Variants in ASCC1 observed in about 807,000 individuals in gnomAD.
ASCC1 encodes activating signal cointegrator 1 complex subunit 1.
A neutral mutation model predicts 46.6 loss-of-function variants in ASCC1; 35 were observed. That is an observed-to-expected ratio of 0.75 (90% CI 0.57 to 0.99). The LOEUF (loss-of-function observed/expected upper bound fraction) is 0.99. ASCC1 is among the 50% of genes least tolerant of loss of function. The probability of loss-of-function intolerance (pLI) is 0.00; values close to 1 mark genes in which losing one functional copy is unlikely to be tolerated. For synonymous variants in ASCC1, 143 were observed against 146.6 expected (o/e 0.98, Z 0.18); for missense variants, 376 against 428.7 (o/e 0.88, Z 1.09).
At chr10:72,149,370 G>A (rs1019245114) in intron 7 of ASCC1, among the ~76,000 whole-genome samples, 3 of 149,646 alleles carry the variant, frequency 2.0e-5, no homozygotes, top group East Asian at 3.9e-4. Context: ...CCCGGGAGGC[G>A]GAGCTTGCAG....
In ASCC1 at chr10:72,097,460, A is replaced by T; in HGVS notation, c.958-10T>A. ...AGAAGTTCTCAAACAACTGAAAAGG[A>T]AGAATAAAAACCCAGAATGAATATT... On this transcript the variant is annotated splice_polypyrimidine_tract_variant and intron_variant, in intron 9 of 9. Coordinates refer to ENST00000672957, the MANE Select transcript of ASCC1 (RefSeq NM_001198800.3). 6.6e-7 allele frequency: 1 copy of T among 1,512,244 alleles called. No homozygotes were observed. Among genetic ancestry groups the T allele is most frequent in the Non-Finnish European group, 9.2e-7 (1 of 1,087,794 alleles). The allele number at this position is 1,512,244 out of a possible 1,614,324, so 93.7% of individuals were successfully genotyped here.
intron 9 of ASCC1, 94 bp from the exon 10 acceptor site, chr10:72,097,544 C>T: frequency 6.7e-6 from 5 of 743,720 alleles, no homozygotes; most frequent in African/African-American, 1.8e-5. Context: ...CAAACCACAA[C>T]AATCCCAACA....
intron 9 of ASCC1, among the ~76,000 whole-genome samples, chr10:72,109,071 T>C (rs543703359): frequency 6.6e-6 from 1 of 152,288 alleles, no homozygotes; most frequent in African/African-American, 2.4e-5. Context: ...CAGACTGCAG[T>C]GATCAGTGGT....
intron 9 of ASCC1, among the ~76,000 whole-genome samples, chr10:72,121,527 AAAAAG>A (rs1035939834): frequency 2.2e-5 from 3 of 133,830 alleles, no homozygotes; most frequent in African/African-American, 4.1e-5. Flanking sequence ...TAAAAAAAAA[AAAAAG>A]AAAAGTAAAT....
At chr10:72,177,711 T>A (rs1166730731) in intron 5 of ASCC1, among the ~76,000 whole-genome samples, 1 of 152,182 alleles carries the variant, frequency 6.6e-6, no homozygotes, top group Non-Finnish European at 1.5e-5. Context: ...TATAGCAGCA[T>A]TACTAGCTAA....
Position 72,213,315 on chromosome 10 carries a change from G to C in ASCC1, c.-17C>G, listed in dbSNP as rs777694136. 20 of 1,553,700 alleles carry C rather than the reference G, an allele frequency of 1.3e-5. No homozygotes were observed. The highest frequency in any genetic ancestry group is 1.6e-5 in the Non-Finnish European group (18 of 1,125,936). ...AACTTCCATGACACTTTCTCCAAATGATATTCCAATTATGCCCTGAAAAAT... is the reference window on the plus strand; with the variant it reads ...AACTTCCATGACACTTTCTCCAAATCATATTCCAATTATGCCCTGAAAAAT... On this transcript the variant is annotated 5_prime_UTR_variant, in exon 2 of 10. It adds an upstream start codon to the 5' untranslated region. Transcript: ENST00000672957.
intron 5 of ASCC1, among the ~76,000 whole-genome samples, chr10:72,172,114 T>A (rs535863801): frequency 3.0e-4 from 46 of 152,136 alleles, no homozygotes; most frequent in Admixed American, 5.2e-4. Flanking sequence ...GAAGTTTTTT[T>A]AGAAAAACTC....
chr10:72,196,888 C>T lies in ASCC1; in HGVS notation c.412G>A (p.Ala138Thr). ...ACCTCAACTTCATTGAGGAAAAAGG[C>T]AAGGAAGTGAGTGAAGGGCTGCTTT... ...RRKQPFTHFL[A>T]FFLNEVEVQE... Residue 138 changes from alanine to threonine, a missense_variant, in exon 5 of 10, where the codon GCC becomes ACC. Coordinates refer to ENST00000672957, the MANE Select transcript of ASCC1 (RefSeq NM_001198800.3). 1 of 1,613,516 alleles carries T rather than the reference C, an allele frequency of 6.2e-7. No individual in the cohort carries two copies. The highest frequency in any genetic ancestry group is 8.5e-7 in the Non-Finnish European group (1 of 1,179,996).
chr10:72,138,668 A>G (rs1263126845), intron 7 of ASCC1, among the ~76,000 whole-genome samples: 1 of 144,100 alleles, frequency 6.9e-6, no homozygotes, highest in Non-Finnish European at 1.5e-5. Flanking sequence ...CAGTGGCGCA[A>G]TCTTGGCTCA....
intron 5 of ASCC1, among the ~76,000 whole-genome samples, chr10:72,165,976 C>T (rs1418298249): frequency 3.3e-5 from 5 of 152,172 alleles, no homozygotes; most frequent in African/African-American, 1.2e-4. Context: ...TATCTTATGA[C>T]AGAAGCACTA....
At chr10:72,142,339 A>C (rs1847116307) in intron 7 of ASCC1, among the ~76,000 whole-genome samples, 1 of 151,786 alleles carries the variant, frequency 6.6e-6, no homozygotes, top group African/African-American at 2.4e-5. Context: ...CTACTTTCAG[A>C]AAATTGCCAA....
At chr10:72,164,390 A>G (rs1368223239) in intron 5 of ASCC1, among the ~76,000 whole-genome samples, 3 of 152,240 alleles carry the variant, frequency 2.0e-5, no homozygotes, top group Admixed American at 2.0e-4. Flanking sequence ...ATCATACAAT[A>G]TAAGACCTCT....
intron 4 of ASCC1, 59 bp downstream of exon 4, chr10:72,203,368 A>G (rs1856772198): frequency 7.3e-6 from 9 of 1,239,700 alleles, no homozygotes; most frequent in Non-Finnish European, 1.1e-5. Context: ...AGTTGGTTAC[A>G]TTATTCCATA....
At chr10:72,203,946 C>A (rs1235384175) in intron 3 of ASCC1, among the ~76,000 whole-genome samples, 2 of 152,026 alleles carry the variant, frequency 1.3e-5, no homozygotes, top group African/African-American at 4.8e-5. Flanking sequence ...AGTAAGACCC[C>A]GTCTCTAAAA....
intron 4 of ASCC1, chr10:72,198,498 A>G (rs892223903): frequency 8.8e-6 from 4 of 454,530 alleles, no homozygotes; most frequent in African/African-American, 8.0e-5. Flanking sequence ...GGATTGCCTG[A>G]GGCCAGGAGT....
At chr10:72,121,205 G>T (rs1844156379) in intron 9 of ASCC1, among the ~76,000 whole-genome samples, 1 of 152,120 alleles carries the variant, frequency 6.6e-6, no homozygotes, top group South Asian at 2.1e-4. Context: ...GTGCAATGGT[G>T]CAATCATAGC....
At chr10:72,137,245 C>G (rs1846342994) in intron 7 of ASCC1, among the ~76,000 whole-genome samples, 1 of 151,228 alleles carries the variant, frequency 6.6e-6, no homozygotes. Context: ...AAGCAAGAAA[C>G]AGGCCAAGTG....
Position 72,196,954 on chromosome 10 carries a change from C to G in ASCC1, c.346G>C (p.Ala116Pro). ...TGQHRNGVIS[A>P]RTRIDVLLDT... ...AAAAGAACATCAATCCGTGTTCGGGCTGAAATTACACCATTTCGATGCTGG... is the reference window on the plus strand; with the variant it reads ...AAAAGAACATCAATCCGTGTTCGGGGTGAAATTACACCATTTCGATGCTGG... The change falls in exon 5 of 10, where the codon GCC becomes CCC. Residue 116 changes from alanine to proline, a missense_variant. Physicochemically the swap from Ala to Pro is conservative, Grantham distance 27 (BLOSUM62 -1). Transcript: ENST00000672957. 6.2e-7 allele frequency: 1 copy of G among 1,613,610 alleles called. No homozygotes were observed. The highest frequency in any genetic ancestry group is 8.5e-7 in the Non-Finnish European group (1 of 1,180,010).
chr10:72,096,127 A>G lies in ASCC1; in HGVS notation c.*1207T>C, dbSNP rs1244341863. 2 of 454,044 alleles carry G rather than the reference A, an allele frequency of 4.4e-6. No homozygotes were observed. Among genetic ancestry groups the G allele is most frequent in the Non-Finnish European group, 8.8e-6 (2 of 226,810 alleles). The allele number at this position is 454,044 out of a possible 1,614,324, so 28.1% of individuals were successfully genotyped here. A position where few individuals can be genotyped will look rare whatever the true frequency, so the allele number is the denominator to read the frequency against. On this transcript the variant is annotated 3_prime_UTR_variant, in exon 10 of 10. Transcript: ENST00000672957. ...CTCACAATGTAGCAACTTAACACAG[A>G]GTTCAGAAGTGCAGTTAAAGAATAT...
Sources: allele counts gnomAD v4.1 joint callset (sites outside exome capture counted in the v4.1 genomes callset), GRCh38; gene constraint gnomAD v4.1.1; transcripts MANE v1.5; gene names NCBI Gene and HGNC (gene_info 2026-07-23, HGNC 2026-07-21).